Variants in HOOK2 observed in about 807,000 individuals in gnomAD.
The protein encoded by HOOK2 is protein Hook homolog 2.
In HOOK2, 108 loss-of-function variants were observed where a neutral mutation model predicts 111.9. The observed-to-expected ratio is 0.96, with a 90% CI of 0.83 to 1.13. The LOEUF is 1.13. Among genes scored for constraint, HOOK2 ranks in the 50% most tolerant of loss-of-function variants. HOOK2 has a pLI of 0.00. For synonymous variants in HOOK2, 405 were observed against 394.3 expected, an observed-to-expected ratio of 1.03 and a Z score of -0.32; for missense variants, 978 against 951.3, an observed-to-expected ratio of 1.03 and a Z score of -0.37.
At position 12,763,316 on chromosome 19, in the gene HOOK2, G is replaced by A; in HGVS notation, c.2126C>T (p.Ala709Val). ...GTCAGTGGGGCGAAGGTTCAGAGAT[G>A]CCAGGCGTCCCAAGGGTCCACGGCG... is the stretch of plus-strand genomic sequence containing the variant. ...NSRRGPLGRL[A>V]SLNLRPTDKH Residue 709 changes from alanine (A) to valine (V), a missense_variant, in exon 23 of 23, where the codon GCA (alanine) becomes GTA (valine). Physicochemically the swap from Ala to Val is moderately conservative, Grantham distance 64. This residue lies in a region of HOOK2 where 277 missense variants were observed against 265.8 expected (regional missense o/e 1.04). Coordinates refer to ENST00000397668, the MANE Select transcript of HOOK2 (RefSeq NM_013312.3). The A allele has an allele frequency of 6.2e-7, 1 of 1,614,058 alleles. No individual in the cohort carries two copies. The highest frequency in any genetic ancestry group is 8.5e-7 in the Non-Finnish European group (1 of 1,180,046).
At chr19:12,775,569 C>T (rs1228529318), upstream of HOOK2, 1 of 1,028,390 alleles carries the variant, frequency 9.7e-7, no homozygotes, top group East Asian at 3.4e-5. Context: ...CCGCCCCGCC[C>T]CGCCCCCCTA....
chr19:12,767,393 A>G lies in HOOK2; in HGVS notation c.1373+2T>C. The G allele has an allele frequency of 6.2e-7, 1 of 1,613,526 alleles. No homozygotes were observed. Among genetic ancestry groups the G allele is most frequent in the South Asian group, 1.1e-5 (1 of 91,070 alleles). On this transcript the variant is annotated splice_donor_variant, in intron 14 of 22. Transcript: ENST00000397668. LOFTEE classifies it high-confidence loss of function. ...CCAGAGTTTTGAGTGACCCCAGGAT[A>G]CCTGAGCTCCGCAGGCAGGATCTCT... is the stretch of plus-strand genomic sequence containing the variant.
intron 10 of HOOK2, among the ~76,000 whole-genome samples, 195 bp from the exon 11 acceptor site, chr19:12,770,277 C>T (rs1339157810): frequency 6.6e-6 from 1 of 151,900 alleles, no homozygotes; most frequent in African/African-American, 2.4e-5. Context: ...AATGGTTAGC[C>T]CAGGGTTATA....
At chr19:12,769,343 G>A (rs1419316806) in intron 11 of HOOK2, among the ~76,000 whole-genome samples, 2 of 151,890 alleles carry the variant, frequency 1.3e-5, no homozygotes, top group Non-Finnish European at 2.9e-5. Context: ...CTCAAGTGAT[G>A]TGGGGTTACA....
rs767029437 is a variant in HOOK2 at position 12,767,991 on chromosome 19, G to A, written c.1215+22C>T. On this transcript the variant is annotated intron_variant, in intron 12 of 22. Transcript: ENST00000397668. Reference sequence around the variant, plus strand: ...CCCAGAATTGGCAGGGTGGGGCTTGGGCAGTGGAACCTCAGCCTCACCTCC... The same window carrying A: ...CCCAGAATTGGCAGGGTGGGGCTTGAGCAGTGGAACCTCAGCCTCACCTCC... The A allele has an allele frequency of 2.5e-6, 4 of 1,612,746 alleles. No homozygotes were observed. The South Asian group carries it at 3.3e-5, about 13-fold the overall frequency.
chr19:12,776,026 C>T (rs556937931), upstream of HOOK2, among the ~76,000 whole-genome samples: 565 of 149,948 alleles, frequency 3.8e-3, 3 homozygotes, highest in Non-Finnish European at 5.6e-3. Flanking sequence ...TACAGGCGCC[C>T]GCCACCTCGC....
Position 12,763,353 on chromosome 19 carries a change from C to G in HOOK2, c.2089G>C (p.Ala697Pro), listed in dbSNP as rs779699047. 1 of 1,614,152 alleles carries G rather than the reference C, an allele frequency of 6.2e-7. No homozygotes were observed. The highest frequency in any genetic ancestry group is 8.5e-7 in the Non-Finnish European group (1 of 1,180,040). The change falls in exon 23 of 23, where the codon GCA becomes CCA. Residue 697 changes from alanine to proline, a missense_variant. This residue lies in a region of HOOK2 where 277 missense variants were observed against 265.8 expected (regional missense o/e 1.04). Coordinates refer to ENST00000397668, the MANE Select transcript of HOOK2 (RefSeq NM_013312.3). ...AQSFLAQQRL[A>P]TNSRRGPLGR... ...AAGGGTCCACGGCGAGAATTGGTTGCCAGCCGCTGCTGTGCCAGGAATGAC... is the reference window on the plus strand; with the variant it reads ...AAGGGTCCACGGCGAGAATTGGTTGGCAGCCGCTGCTGTGCCAGGAATGAC...
rs1442121295 is a variant in HOOK2, at chr19:12,766,212, T to A, written c.1402A>T (p.Asn468Tyr). 3.8e-6 allele frequency: 6 copies of A among 1,593,130 alleles called. No homozygotes were observed. The highest frequency in any genetic ancestry group is 1.1e-5 in the South Asian group (1 of 90,232). The change falls in exon 15 of 23, where the codon AAC becomes TAC. Residue 468 changes from asparagine (N) to tyrosine (Y), a missense_variant. This residue lies in a region of HOOK2 where 388 missense variants were observed against 358.3 expected (regional missense o/e 1.08). Coordinates refer to ENST00000397668, the MANE Select transcript of HOOK2 (RefSeq NM_013312.3). ...GCCTCCTGCCTGCACAGCCGCTTGTTCTCCAGCTGAAGCCGCAGGAGCGTC... is the reference window on the plus strand; with the variant it reads ...GCCTCCTGCCTGCACAGCCGCTTGTACTCCAGCTGAAGCCGCAGGAGCGTC... ...RETLLRLQLE[N>Y]KRLCRQEAAD...
chr19:12,775,003 G>T, intron 1 of HOOK2, 106 bp from the exon 2 acceptor site: 1 of 1,194,312 alleles, frequency 8.4e-7, no homozygotes, highest in Non-Finnish European at 1.2e-6. Context: ...GGTGGGGCGG[G>T]CGCTGCTCCG....
At chr19:12,764,323 T>G (rs981075835) in intron 20 of HOOK2, 1 of 77,754 alleles carries the variant, frequency 1.3e-5, no homozygotes. Flanking sequence ...TGTGCGTAAT[T>G]TTTTTTTTTT....
Position 12,791,493 on chromosome 19 carries a change from T to C in HOOK2, n.42-17268A>G. ...GGCTCAGGCTGAGCGGCTGGGACCT[T>C]GAGAGCGGCCAGGCCAGCCTCGGAG... On this transcript the variant is annotated intron_variant and non_coding_transcript_variant, in intron 3 of 3. Coordinates refer to the HOOK2 transcript ENST00000589765. This position sits in a 1 kb window ranked among gnomAD's most constrained non-coding sequence, Gnocchi z 7.0. 1 of 390,256 alleles carries C rather than the reference T, an allele frequency of 2.6e-6. No homozygotes were observed. Among genetic ancestry groups the C allele is most frequent in the Non-Finnish European group, 4.6e-6 (1 of 217,356 alleles). 24.2% of individuals were successfully genotyped at this position (390,256 alleles called of 1,614,324 possible).
At chr19:12,773,827 A>T (rs1397335246) in intron 3 of HOOK2, 2 of 152,870 alleles carry the variant, frequency 1.3e-5, no homozygotes, top group African/African-American at 4.8e-5. Flanking sequence ...ATGGCCTGCC[A>T]GGCCCCTGAT....
chr19:12,764,225 G>A (rs1159481557), intron 20 of HOOK2: 1 of 167,584 alleles, frequency 6.0e-6, no homozygotes, highest in East Asian at 1.8e-4. Context: ...ATGTTGGCCA[G>A]GCTGCTCTCG....
chr19:12,771,360 G>C, intron 8 of HOOK2, 37 bp downstream of exon 8: 1 of 1,608,860 alleles, frequency 6.2e-7, no homozygotes, highest in Non-Finnish European at 8.5e-7. Context: ...CTTGGAGAGG[G>C]GCTACTCAAG....
chr19:12,790,181 G>A lies in HOOK2; in HGVS notation n.42-15956C>T, dbSNP rs930662106. ...GCTGGAGGCTGCCGCGGCTGGGCGG[G>A]CTCCAAGCACCCGGGCCTCCGCGGG... On this transcript the variant is annotated intron_variant and non_coding_transcript_variant, in intron 3 of 3. Transcript: ENST00000589765. This position sits in a 1 kb window ranked among gnomAD's most constrained non-coding sequence, Gnocchi z 7.2. Among the ~76,000 whole-genome samples, 12 of 152,190 alleles carry A rather than the reference G, an allele frequency of 7.9e-5. No individual in the cohort carries two copies. Among genetic ancestry groups the A allele is most frequent in the African/African-American group, 2.9e-4 (12 of 41,448 alleles).
At chr19:12,787,629 C>T (rs1233924503) in intron 3 of HOOK2, among the ~76,000 whole-genome samples, 2 of 151,584 alleles carry the variant, frequency 1.3e-5, no homozygotes, top group Non-Finnish European at 2.9e-5. Flanking sequence ...GATATTTTGT[C>T]TCAAAAAAAC....
upstream of HOOK2, among the ~76,000 whole-genome samples, chr19:12,782,772 CT>C (rs978050753): frequency 6.6e-6 from 1 of 152,146 alleles, no homozygotes; most frequent in African/African-American, 2.4e-5. Context: ...CCGTTAACCC[CT>C]TCCTGCCCGA....
rs1356066665 is a variant in HOOK2 at position 12,767,911 on chromosome 19, G to A, written c.1216-8C>T. The A allele has an allele frequency of 4.3e-6, 7 of 1,611,388 alleles. No homozygotes were observed. The Admixed American group carries it at 8.3e-5, about 19-fold the overall frequency. Reference sequence around the variant, plus strand: ...CCGCTCCGCCAACAGCCGCTGCAGGGACAGGGTACAAGACACTCCACGGGT... The same window carrying A: ...CCGCTCCGCCAACAGCCGCTGCAGGAACAGGGTACAAGACACTCCACGGGT... On this transcript the variant is annotated splice_region_variant and splice_polypyrimidine_tract_variant and intron_variant, in intron 12 of 22. Coordinates refer to ENST00000397668, the MANE Select transcript of HOOK2 (RefSeq NM_013312.3).
rs560204067 is a variant in HOOK2 at position 12,772,647 on chromosome 19, G to C, written c.422C>G (p.Ser141Trp). Residue 141 changes from serine to tryptophan, a missense_variant, in exon 6 of 23, where the codon TCG (serine) becomes TGG (tryptophan). This residue lies in a region of HOOK2 where 301 missense variants were observed against 286.1 expected (regional missense o/e 1.05). Coordinates refer to ENST00000397668, the MANE Select transcript of HOOK2 (RefSeq NM_013312.3). ...GGCTTCCATCACCACATGCTGAACC[G>C]ATTCTTCCAGCGTCATGATTCTCTG... ...HIQRIMTLEE[S>W]VQHVVMEAIQ... 6.2e-7 allele frequency: 1 copy of C among 1,614,186 alleles called. No homozygotes were observed. Among genetic ancestry groups the C allele is most frequent in the Non-Finnish European group, 8.5e-7 (1 of 1,180,040 alleles).
Sources: gnomAD v4.1 joint callset for allele counts (sites outside exome capture counted in the v4.1 genomes callset) on GRCh38, gnomAD v4.1.1 for gene constraint, gnomAD v4.1.1 regional missense constraint, Gnocchi (gnomAD v3.1) non-coding constraint, MANE v1.5 for transcripts, NCBI Gene and HGNC (gene_info 2026-07-23, HGNC 2026-07-21) for gene names.